The following TMCC1 variants were observed in gnomAD, a reference collection of about 807,000 sequenced individuals.
The protein encoded by TMCC1 is transmembrane and coiled-coil domains protein 1.
TMCC1 carries 15 observed loss-of-function variants against 52.4 expected under a neutral mutation model. That is an observed-to-expected ratio of 0.29 (90% CI 0.19 to 0.44). TMCC1 has a LOEUF of 0.44. Ranked by LOEUF, TMCC1 falls within the 20% of genes least tolerant of loss-of-function variation. The pLI is 1.00. For missense variants in TMCC1, 503 were observed against 806.0 expected, an observed-to-expected ratio of 0.62 and a Z score of 4.55; for synonymous variants, 279 against 301.9, an observed-to-expected ratio of 0.92 and a Z score of 0.79.
chr3:129,885,706 A>T (rs1416538181), intron 1 of TMCC1, among the ~76,000 whole-genome samples: 1 of 152,168 alleles, frequency 6.6e-6, no homozygotes, highest in East Asian at 1.9e-4. Context: ...CAGAATGGGA[A>T]TCCTGCCTAC....
chr3:129,654,953 T>C lies in TMCC1; in HGVS notation c.1647+15A>G. On this transcript the variant is annotated intron_variant, in intron 6 of 6. Coordinates refer to ENST00000393238, the MANE Select transcript of TMCC1 (RefSeq NM_001017395.5). ...CTACTGTATTTTGCATTTACACCTTTTCCTTCATACTAACCTGGATGTCCC... is the reference window on the plus strand; with the variant it reads ...CTACTGTATTTTGCATTTACACCTTCTCCTTCATACTAACCTGGATGTCCC... 1.2e-6 allele frequency: 2 copies of C among 1,612,614 alleles called. No homozygotes were observed. The highest frequency in any genetic ancestry group is 1.7e-6 in the Non-Finnish European group (2 of 1,179,348).
intron 4 of TMCC1, among the ~76,000 whole-genome samples, chr3:129,747,007 T>G (rs1453356800): frequency 2.0e-5 from 3 of 152,210 alleles, no homozygotes; most frequent in South Asian, 2.1e-4. Flanking sequence ...AATAAATCAT[T>G]GCTGTGAAAA....
chr3:129,844,310 A>T (rs1289767358), intron 2 of TMCC1, among the ~76,000 whole-genome samples: 3 of 152,334 alleles, frequency 2.0e-5, no homozygotes, highest in Non-Finnish European at 4.4e-5. Flanking sequence ...AGGTGGAAAA[A>T]CACTGCCATG....
intron 5 of TMCC1, among the ~76,000 whole-genome samples, chr3:129,668,641 T>C (rs1186523054): frequency 6.6e-6 from 1 of 152,240 alleles, no homozygotes; most frequent in Non-Finnish European, 1.5e-5. Flanking sequence ...TTATTTTCAT[T>C]TGACACGGAG....
intron 3 of TMCC1, among the ~76,000 whole-genome samples, chr3:129,831,857 A>C (rs931726865): frequency 2.6e-5 from 4 of 152,044 alleles, no homozygotes; most frequent in African/African-American, 9.7e-5. Context: ...TCCCCAATTA[A>C]CTATTTATTT....
rs896384881 is a variant in TMCC1 at position 129,827,793 on chromosome 3, A to G, written c.576+10T>C. 1 of 1,606,926 alleles carries G rather than the reference A, an allele frequency of 6.2e-7. No individual in the cohort carries two copies. The highest frequency in any genetic ancestry group is 8.5e-7 in the Non-Finnish European group (1 of 1,174,320). On this transcript the variant is annotated intron_variant, in intron 4 of 6. Coordinates refer to ENST00000393238, the MANE Select transcript of TMCC1 (RefSeq NM_001017395.5). The stretch of plus-strand genomic sequence containing the variant: ...TAAGTTAACAGAAAAACAAAATCTT[A>G]CAAACTTACCCGCTCCGCAGTTCCC...
rs150026629 is a variant in TMCC1, at chr3:129,734,314, G to A, written c.577-63050C>T. On this transcript the variant is annotated intron_variant, in intron 4 of 6. Coordinates refer to ENST00000393238, the MANE Select transcript of TMCC1 (RefSeq NM_001017395.5). Reference sequence around the variant, plus strand: ...AGTGAAAAGAGTAAAGAAATTTTGCGTATACAGACTTGCATAACATGTAGA... The same window carrying A: ...AGTGAAAAGAGTAAAGAAATTTTGCATATACAGACTTGCATAACATGTAGA... Among the ~76,000 whole-genome samples the A allele has an allele frequency of 5.0e-4, 76 of 152,208 alleles. 1 individual carries two copies. In the South Asian group the frequency reaches 0.014, roughly 28 times the overall value.
intron 4 of TMCC1, among the ~76,000 whole-genome samples, chr3:129,790,390 C>A (rs973720288): frequency 2.0e-5 from 3 of 152,084 alleles, no homozygotes; most frequent in African/African-American, 7.2e-5. Flanking sequence ...AAACTGGTTA[C>A]CTACAGAGAT....
chr3:129,787,232 A>G (rs2056104072), intron 4 of TMCC1, among the ~76,000 whole-genome samples: 1 of 152,210 alleles, frequency 6.6e-6, no homozygotes, highest in Non-Finnish European at 1.5e-5. Context: ...CTTAATTTCA[A>G]TGACAAAAAC....
At chr3:129,764,781 ATATATATATTTTTTTTTTTTT>A (rs2053969348) in intron 4 of TMCC1, among the ~76,000 whole-genome samples, 1 of 76,112 alleles carries the variant, frequency 1.3e-5, no homozygotes, top group African/African-American at 6.8e-5. Context: ...ATATATATAT[ATATATATATTTTTTTTTTTTT>A]TTTTTTTTTT....
chr3:129,814,411 T>TA (rs11456973), intron 4 of TMCC1, among the ~76,000 whole-genome samples: 26,665 of 151,950 alleles, frequency 0.18, 3,142 homozygotes, highest in Middle Eastern at 0.29. Flanking sequence ...ACAGATTCAC[T>TA]AAAAATAAAA....
intron 4 of TMCC1, among the ~76,000 whole-genome samples, chr3:129,734,420 A>C (rs2107620813): frequency 6.6e-6 from 1 of 152,318 alleles, no homozygotes; most frequent in Non-Finnish European, 1.5e-5. Flanking sequence ...ATGCAATACA[A>C]GTACATAGAC....
At chr3:129,842,945 GTACT>G (rs2059486437) in intron 2 of TMCC1, among the ~76,000 whole-genome samples, 1 of 152,112 alleles carries the variant, frequency 6.6e-6, no homozygotes, top group Admixed American at 6.6e-5. Flanking sequence ...AGCTAAAACA[GTACT>G]TAGAGGAAAA....
intron 2 of TMCC1, among the ~76,000 whole-genome samples, chr3:129,836,966 T>C (rs1398094165): frequency 6.6e-6 from 1 of 152,126 alleles, no homozygotes; most frequent in East Asian, 1.9e-4. Flanking sequence ...TATCTCCCTG[T>C]GGAACAAAAG....
intron 4 of TMCC1, among the ~76,000 whole-genome samples, chr3:129,693,392 T>C (rs539807522): frequency 6.6e-6 from 1 of 152,248 alleles, no homozygotes; most frequent in Non-Finnish European, 1.5e-5. Context: ...TTATCTTTTA[T>C]TCTCATTTTG....
chr3:129,835,408 A>G (rs1216282762), intron 2 of TMCC1, among the ~76,000 whole-genome samples: 1 of 152,090 alleles, frequency 6.6e-6, no homozygotes, highest in Non-Finnish European at 1.5e-5. Flanking sequence ...TATCTAGCTG[A>G]ACCAGCCCCA....
intron 4 of TMCC1, among the ~76,000 whole-genome samples, chr3:129,819,233 C>T (rs1211711415): frequency 6.6e-6 from 1 of 152,086 alleles, no homozygotes; most frequent in African/African-American, 2.4e-5. Flanking sequence ...CAGGTGTGCA[C>T]CACCATGCCA....
At chr3:129,771,101 A>G (rs919903204) in intron 4 of TMCC1, among the ~76,000 whole-genome samples, 5 of 152,212 alleles carry the variant, frequency 3.3e-5, no homozygotes, top group African/African-American at 1.2e-4. Flanking sequence ...AATGGTCCCC[A>G]GCTAGAATAC....
chr3:129,748,295 T>C (rs1449182847), intron 4 of TMCC1, among the ~76,000 whole-genome samples: 1 of 152,078 alleles, frequency 6.6e-6, no homozygotes, highest in Non-Finnish European at 1.5e-5. Context: ...TGGGTTTTTG[T>C]TGTTGTTGTT....
Sources: gnomAD v4.1 joint callset for allele counts (sites outside exome capture counted in the v4.1 genomes callset) on GRCh38, gnomAD v4.1.1 for gene constraint, MANE v1.5 for transcripts, NCBI Gene and HGNC (gene_info 2026-07-23, HGNC 2026-07-21) for gene names.